HIP1: variants seen among roughly 807,000 people sequenced by gnomAD.
HIP1 encodes the protein huntingtin-interacting protein 1.
In HIP1, 65 loss-of-function variants were observed where a neutral mutation model predicts 147.6. The observed-to-expected ratio is 0.44, with a 90% CI of 0.36 to 0.54. The LOEUF (loss-of-function observed/expected upper bound fraction) is 0.54. Among genes scored for constraint, HIP1 ranks in the 20% least tolerant of loss-of-function variants. HIP1 has a pLI of 0.00. For missense variants in HIP1, 1,061 were observed against 1,299.6 expected, an observed-to-expected ratio of 0.82 and a Z score of 2.82; for synonymous variants, 479 against 504.0, an observed-to-expected ratio of 0.95 and a Z score of 0.67.
intron 1 of HIP1, among the ~76,000 whole-genome samples, chr7:75,730,362 G>A (rs1235721921): frequency 6.7e-6 from 1 of 148,352 alleles, no homozygotes; most frequent in Non-Finnish European, 1.5e-5. Context: ...TTTTTGAGAC[G>A]GAGTTTCGCT....
At chr7:75,608,568 T>C (rs1035135909) in intron 1 of HIP1, among the ~76,000 whole-genome samples, 23 of 152,304 alleles carry the variant, frequency 1.5e-4, no homozygotes, top group Non-Finnish European at 2.5e-4. Flanking sequence ...ACTTAAGATC[T>C]GAAGAAAATT....
intron 1 of HIP1, among the ~76,000 whole-genome samples, chr7:75,656,389 G>A (rs576491343): frequency 6.7e-6 from 1 of 149,742 alleles, no homozygotes; most frequent in South Asian, 2.1e-4. Context: ...AAACATCCTA[G>A]CTTGCGTAAG....
At chr7:75,704,569 CTTGTTG>C (rs1422094060) in intron 1 of HIP1, among the ~76,000 whole-genome samples, 2 of 149,238 alleles carry the variant, frequency 1.3e-5, no homozygotes, top group Non-Finnish European at 1.5e-5. Context: ...TCAACTGTTT[CTTGTTG>C]TTGTTGTTGT....
At position 75,568,287 on chromosome 7, in the gene HIP1, GAGGGGGACCAGAGGGC is replaced by G. The variant is rs782380178; in HGVS notation, c.746-47_746-32del. On this transcript the variant is annotated intron_variant, in intron 8 of 30. Coordinates refer to ENST00000336926, the MANE Select transcript of HIP1 (RefSeq NM_005338.7). This position sits in a 1 kb window ranked among gnomAD's most constrained non-coding sequence, Gnocchi z 4.1. Reference sequence around the variant, plus strand: ...AGAAATTGGAAAGAGTGTGAGAGGGGAGGGGGACCAGAGGGCAGGGAAGCCACAGCGGGGCTCTCGA... The same window carrying G: ...AGAAATTGGAAAGAGTGTGAGAGGGGAGGGAAGCCACAGCGGGGCTCTCGA... The G allele has an allele frequency of 1.6e-5, 24 of 1,523,066 alleles. No individual in the cohort carries two copies. Among genetic ancestry groups the G allele is most frequent in the Non-Finnish European group, 2.2e-5 (24 of 1,097,106 alleles). The allele number at this position is 1,523,066 out of a possible 1,614,324, so 94.3% of individuals were successfully genotyped here. A position where few individuals can be genotyped will look rare whatever the true frequency, so the allele number is the denominator to read the frequency against.
intron 1 of HIP1, among the ~76,000 whole-genome samples, chr7:75,679,679 C>CA (rs1800002836): frequency 1.4e-4 from 2 of 13,876 alleles, no homozygotes; most frequent in East Asian, 1.9e-3. Flanking sequence ...TATTAATTTT[C>CA]TTGTTTGGCT....
At chr7:75,563,444 C>T (rs1795299885) in intron 9 of HIP1, 181 bp from the exon 10 acceptor site, 1 of 595,450 alleles carries the variant, frequency 1.7e-6, no homozygotes, top group Non-Finnish European at 3.0e-6. Flanking sequence ...AAAGCTGGTC[C>T]TCAGTGACCT....
intron 1 of HIP1, among the ~76,000 whole-genome samples, chr7:75,660,546 A>C (rs1293384279): frequency 6.6e-6 from 1 of 152,116 alleles, no homozygotes; most frequent in Non-Finnish European, 1.5e-5. Context: ...AACACACACA[A>C]AAAAGGCAGC....
rs369296626 is a variant in HIP1, at chr7:75,655,730, A to T, written c.121-56483T>A. Among the ~76,000 whole-genome samples the T allele has an allele frequency of 7.9e-5, 12 of 152,348 alleles. No individual in the cohort carries two copies. In the East Asian group the frequency reaches 2.3e-3, roughly 29 times the overall value. ...ACACAAAGTAGATTATTAGTGAGTA[A>T]GAGTTTCTGTTCGGGGTGATGAAAT... On this transcript the variant is annotated intron_variant, in intron 1 of 30. Coordinates refer to ENST00000336926, the MANE Select transcript of HIP1 (RefSeq NM_005338.7).
At chr7:75,563,764 C>T (rs587717818) in intron 9 of HIP1, among the ~76,000 whole-genome samples, 1 of 152,340 alleles carries the variant, frequency 6.6e-6, no homozygotes, top group South Asian at 2.1e-4. Flanking sequence ...CTGAGCTCCG[C>T]TGAGCTGTTT....
intron 1 of HIP1, among the ~76,000 whole-genome samples, chr7:75,673,023 C>CTT (rs35559075): frequency 0.02 from 2,906 of 143,804 alleles, 108 homozygotes; most frequent in African/African-American, 0.063. Flanking sequence ...AGTCCACCAA[C>CTT]TTTTTTTTTT....
intron 1 of HIP1, among the ~76,000 whole-genome samples, chr7:75,609,361 G>A (rs2117048477): frequency 6.6e-6 from 1 of 152,220 alleles, no homozygotes; most frequent in South Asian, 2.1e-4. Context: ...GTCCCCCAGG[G>A]GGCCAGGGAA....
rs112882830 is a variant in HIP1 at position 75,736,849 on chromosome 7, CT to C, written c.120+1951del. 4.7e-3 allele frequency among the ~76,000 whole-genome samples: 687 copies of C among 145,132 alleles called. 5 individuals carry two copies. The highest frequency in any genetic ancestry group is 0.013 in the African/African-American group (519 of 39,926). On this transcript the variant is annotated intron_variant, in intron 1 of 30. Coordinates refer to ENST00000336926, the MANE Select transcript of HIP1 (RefSeq NM_005338.7). Reference sequence around the variant, plus strand: ...GGAGGCACTTTCTTTTTTTCTTTTTCTTTTTTTTTTTTGTAGAGACAGGGTC... The same window carrying C: ...GGAGGCACTTTCTTTTTTTCTTTTTCTTTTTTTTTTTGTAGAGACAGGGTC...
rs150864126 is a variant in HIP1, at chr7:75,672,171, G to T, written c.120+66630C>A. On this transcript the variant is annotated intron_variant, in intron 1 of 30. Transcript: ENST00000336926. ...TATTGACCATTTGTATATCTTCTTT[G>T]AAGAAATGTCTATTCATTTGCCTAT... 3.5e-3 allele frequency among the ~76,000 whole-genome samples: 534 copies of T among 152,198 alleles called. 1 individual carries two copies. The highest frequency in any genetic ancestry group is 5.9e-3 in the Non-Finnish European group (402 of 67,998).
intron 2 of HIP1, among the ~76,000 whole-genome samples, chr7:75,595,250 T>TCC (rs1554501682): frequency 4.8e-3 from 481 of 101,148 alleles, no homozygotes; most frequent in Middle Eastern, 0.018. Context: ...CTTTCTTTCT[T>TCC]TCTTCCTTCC....
intron 29 of HIP1, among the ~76,000 whole-genome samples, chr7:75,540,846 C>T (rs1047329863): frequency 2.9e-4 from 44 of 152,014 alleles, no homozygotes; most frequent in Admixed American, 2.6e-3. Context: ...AAAAGTCATA[C>T]GCAAATAATT....
intron 1 of HIP1, among the ~76,000 whole-genome samples, chr7:75,683,045 C>T (rs537718815): frequency 6.6e-6 from 1 of 151,882 alleles, no homozygotes; most frequent in Non-Finnish European, 1.5e-5. Context: ...TGCAGTGGTG[C>T]GATCTCGGCT....
intron 9 of HIP1, among the ~76,000 whole-genome samples, chr7:75,564,546 G>A (rs117182436): frequency 0.011 from 1,608 of 152,124 alleles, 17 homozygotes; most frequent in Middle Eastern, 0.044. Context: ...CGCCCGTCTC[G>A]GCCTCCCAAA....
At chr7:75,579,276 C>T (rs1795954339) in intron 7 of HIP1, among the ~76,000 whole-genome samples, 2 of 152,078 alleles carry the variant, frequency 1.3e-5, no homozygotes, top group Non-Finnish European at 2.9e-5. Context: ...GCTGAATGTC[C>T]CTTTCTCGCA....
intron 1 of HIP1, among the ~76,000 whole-genome samples, chr7:75,600,010 A>G (rs1796916123): frequency 6.6e-6 from 1 of 150,808 alleles, no homozygotes; most frequent in Non-Finnish European, 1.5e-5. Context: ...TAATTTTTGT[A>G]TTTTTAGTAG....
Sources: gnomAD v4.1 joint callset for allele counts (sites outside exome capture counted in the v4.1 genomes callset) on GRCh38, gnomAD v4.1.1 for gene constraint, Gnocchi (gnomAD v3.1) non-coding constraint, MANE v1.5 for transcripts, NCBI Gene and HGNC (gene_info 2026-07-23, HGNC 2026-07-21) for gene names.